PRAM1: variants seen among roughly 807,000 people sequenced by gnomAD.
PRAM1 encodes PML-RARA regulated adaptor molecule 1.
PRAM1 carries 41 observed loss-of-function variants against 55.3 expected under a neutral mutation model. The ratio of observed to expected loss-of-function variants is 0.74; its 90% CI spans 0.58 to 0.96. The LOEUF (loss-of-function observed/expected upper bound fraction) is 0.96, where lower values mean the gene tolerates loss of function less well. PRAM1 is among the 40% of genes least tolerant of loss of function. The pLI, the probability that PRAM1 is intolerant of heterozygous loss-of-function variation, is 0.00. For synonymous variants in PRAM1, 401 were observed against 387.1 expected (o/e 1.04, Z -0.42); for missense variants, 898 against 892.7 (o/e 1.01, Z -0.08).
Position 8,491,099 on chromosome 19 carries a change from C to T in PRAM1, c.1634+1G>A, listed in dbSNP as rs754417137. Reference sequence around the variant, plus strand: ...CTGCCCACCCCCTCTGCCCATGGCACCTGAGCGCTGGGTCTTGTGGTGGCC... The same window carrying T: ...CTGCCCACCCCCTCTGCCCATGGCATCTGAGCGCTGGGTCTTGTGGTGGCC... On this transcript the variant is annotated splice_donor_variant, in intron 5 of 9. Transcript: ENST00000423345. LOFTEE classifies it high-confidence loss of function. The T allele has an allele frequency of 3.7e-6, 6 of 1,612,220 alleles. No homozygotes were observed. The highest frequency in any genetic ancestry group is 3.3e-5 in the Admixed American group (2 of 60,002).
rs773534887 is a variant in PRAM1 at position 8,501,507 on chromosome 19, ATTTTTT to A, written c.27+1052_27+1057del. Among the ~76,000 whole-genome samples the A allele has an allele frequency of 6.5e-3, 669 of 102,846 alleles. 10 individuals carry two copies. The highest frequency in any genetic ancestry group is 0.024 in the African/African-American group (614 of 25,714). The allele number at this position is 102,846 out of a possible 152,430, so 67.5% of individuals were successfully genotyped here. On this transcript the variant is annotated intron_variant, in intron 1 of 9. Transcript: ENST00000423345. ...TTTACATTGTTTTTAATGTGTCTTGATTTTTTTTTTTTTTTTTTTTTGTCTCTCTAC... is the reference window on the plus strand; with the variant it reads ...TTTACATTGTTTTTAATGTGTCTTGATTTTTTTTTTTTTTTGTCTCTCTAC...
At chr19:8,497,458 C>T (rs58674936) in intron 4 of PRAM1, among the ~76,000 whole-genome samples, 9,093 of 152,116 alleles carry the variant, frequency 0.06, 583 homozygotes, top group African/African-American at 0.16. Context: ...TTGGCTCAAA[C>T]GATCCTCCTG....
chr19:8,493,250 A>G lies in PRAM1; in HGVS notation c.1577-2093T>C, dbSNP rs1218324570. ...CCAGCATGTCCTTTCCGAATGGCTC[A>G]AAGTATCCCGCCGGACATTTCAGGC... On this transcript the variant is annotated intron_variant, in intron 4 of 9. Transcript: ENST00000423345. This position sits in a 1 kb window ranked among gnomAD's most constrained non-coding sequence, Gnocchi z 4.1. Among the ~76,000 whole-genome samples the G allele has an allele frequency of 6.6e-6, 1 of 152,180 alleles. No individual in the cohort carries two copies. The highest frequency in any genetic ancestry group is 1.5e-5 in the Non-Finnish European group (1 of 68,028).
In PRAM1 at chr19:8,490,063, A is replaced by G; in HGVS notation, c.*126T>C. 1.0e-6 allele frequency: 1 copy of G among 953,254 alleles called. No individual in the cohort carries two copies. Among genetic ancestry groups the G allele is most frequent in the South Asian group, 1.7e-5 (1 of 57,970 alleles). 59.0% of individuals were successfully genotyped at this position (953,254 alleles called of 1,614,324 possible). A position where few individuals can be genotyped will look rare whatever the true frequency, so the allele number is the denominator to read the frequency against. On this transcript the variant is annotated 3_prime_UTR_variant, in exon 10 of 10. Transcript: ENST00000423345. This position sits in a 1 kb window ranked among gnomAD's most constrained non-coding sequence, Gnocchi z 7.3. Reference sequence around the variant, plus strand: ...AAGACAAGAAGCAGGGACTGCTTTAAACTGGGGCTTTATGTGGCCAGGTAC... The same window carrying G: ...AAGACAAGAAGCAGGGACTGCTTTAGACTGGGGCTTTATGTGGCCAGGTAC...
intron 4 of PRAM1, 66 bp from the exon 5 acceptor site, chr19:8,491,223 T>C: frequency 2.7e-6 from 4 of 1,500,886 alleles, no homozygotes; most frequent in East Asian, 2.4e-5. Context: ...CTGGTAGCTG[T>C]TTTTTGTTTG....
Position 8,497,830 on chromosome 19 carries a change from C to T in PRAM1, c.1510G>A (p.Glu504Lys). ...ACATCGTCATACAGCTCGTAGATCT[C>T]ATCTGGGACCCTGCGGGGATACCTG... is the stretch of plus-strand genomic sequence containing the variant. ...QPEDIPQVPDEIYELYDDVEP... is the reference protein window; with the variant it reads ...QPEDIPQVPDKIYELYDDVEP... Residue 504 changes from glutamate (E) to lysine (K), a missense_variant, in exon 4 of 10, where the codon GAG becomes AAG. Physicochemically the swap from Glu to Lys is moderately conservative, Grantham distance 56. Around this residue, in one of 4 missense-constraint regions of PRAM1, gnomAD observed 787 missense variants for 735.4 expected, o/e 1.07. Coordinates refer to ENST00000423345, the MANE Select transcript of PRAM1 (RefSeq NM_032152.5). The T allele has an allele frequency of 6.4e-7, 1 of 1,558,718 alleles. No homozygotes were observed. The highest frequency in any genetic ancestry group is 2.3e-5 in the East Asian group (1 of 44,054).
chr19:8,499,209 G>A lies in PRAM1; in HGVS notation c.599C>T (p.Ala200Val). The A allele has an allele frequency of 6.2e-7, 1 of 1,613,084 alleles. No individual in the cohort carries two copies. Reference sequence around the variant, plus strand: ...CTCAGGCTGCGGGGACCTCGGGGTAGCCTCACCGGCCTCGGGTTGCCAGAG... The same window carrying A: ...CTCAGGCTGCGGGGACCTCGGGGTAACCTCACCGGCCTCGGGTTGCCAGAG... ...RKLWQPEAGE[A>V]TPRSPQPELS... The change falls in exon 2 of 10, where the codon GCT (alanine) becomes GTT (valine). Residue 200 changes from alanine to valine, a missense_variant. Ala to Val is a moderately conservative substitution (Grantham distance 64). Coordinates refer to ENST00000423345, the MANE Select transcript of PRAM1 (RefSeq NM_032152.5).
rs1380283252 is a variant in PRAM1 at position 8,493,865 on chromosome 19, T to C, written c.1577-2708A>G. 6.6e-6 allele frequency among the ~76,000 whole-genome samples: 1 copy of C among 151,930 alleles called. No individual in the cohort carries two copies. The highest frequency in any genetic ancestry group is 1.5e-5 in the Non-Finnish European group (1 of 67,962). On this transcript the variant is annotated intron_variant, in intron 4 of 9. Coordinates refer to ENST00000423345, the MANE Select transcript of PRAM1 (RefSeq NM_032152.5). This position sits in a 1 kb window ranked among gnomAD's most constrained non-coding sequence, Gnocchi z 4.1. ...CAGGCTGGAGTGCAGAGGTGCAATC[T>C]CGGCTCATTGCAGCCTCCATCTCCT...
In PRAM1 at chr19:8,490,757, CTG is replaced by C; in HGVS notation, c.1744-3_1744-2del. On this transcript the variant is annotated splice_acceptor_variant and splice_polypyrimidine_tract_variant and intron_variant, in intron 6 of 9. Coordinates refer to ENST00000423345, the MANE Select transcript of PRAM1 (RefSeq NM_032152.5). LOFTEE classifies it high-confidence loss of function. The surrounding 1 kb of genome is among the most constrained non-coding windows in gnomAD (Gnocchi z 7.3). ...TGTGAACCACGATCTCCCCTTCAAACTGGGGCGCGAGATGTTAGGGCCTCTGC... is the reference window on the plus strand; with the variant it reads ...TGTGAACCACGATCTCCCCTTCAAACGGGCGCGAGATGTTAGGGCCTCTGC... The C allele has an allele frequency of 1.2e-6, 2 of 1,608,884 alleles. No individual in the cohort carries two copies. Among genetic ancestry groups the C allele is most frequent in the Non-Finnish European group, 1.7e-6 (2 of 1,179,600 alleles).
intron 4 of PRAM1, among the ~76,000 whole-genome samples, chr19:8,492,186 C>A (rs959616033): frequency 1.3e-5 from 2 of 150,996 alleles, no homozygotes; most frequent in Non-Finnish European, 2.9e-5. Flanking sequence ...CCACCCGCCT[C>A]GGCCTCCCAA....
Position 8,490,614 on chromosome 19 carries a change from C to A in PRAM1, c.1886G>T (p.Cys629Phe), listed in dbSNP as rs770646585. ...IEFTSNEEML[C>F]RDPKGKYGYV... ...CTCACATTTGCCTTTGGGGTCCCGG[C>A]ACAGCATCTCCTCATTGCTGGTGAA... The change falls in exon 7 of 10, where the codon TGC (cysteine) becomes TTC (phenylalanine). Residue 629 changes from cysteine (C) to phenylalanine (F), a missense_variant. Transcript: ENST00000423345. The surrounding 1 kb of genome is among the most constrained non-coding windows in gnomAD (Gnocchi z 7.3). 2 of 1,584,164 alleles carry A rather than the reference C, an allele frequency of 1.3e-6. No homozygotes were observed. The highest frequency in any genetic ancestry group is 1.8e-5 in the Admixed American group (1 of 54,938).
At chr19:8,499,832 T>C in intron 1 of PRAM1, 52 bp from the exon 2 acceptor site, 2 of 1,462,710 alleles carry the variant, frequency 1.4e-6, no homozygotes, top group Non-Finnish European at 9.2e-7. Flanking sequence ...AGAAGGGGCA[T>C]GGAAGGATGG....
Position 8,498,374 on chromosome 19 carries a change from A to C in PRAM1, c.1432+2T>G. On this transcript the variant is annotated splice_donor_variant, in intron 2 of 9. Transcript: ENST00000423345. LOFTEE classifies it high-confidence loss of function. ...CTGCCGGTGCCGCCCGCCCTCACCC[A>C]CCTATGGATGCTGCAGAGGGTCTCC... The C allele has an allele frequency of 6.3e-7, 1 of 1,582,418 alleles. No individual in the cohort carries two copies. The highest frequency in any genetic ancestry group is 8.6e-7 in the Non-Finnish European group (1 of 1,163,782).
At chr19:8,499,887 C>T in intron 1 of PRAM1, 107 bp from the exon 2 acceptor site, 2 of 961,354 alleles carry the variant, frequency 2.1e-6, no homozygotes, top group South Asian at 1.7e-5. Flanking sequence ...ACCCCTGCGC[C>T]CAGGCCCGGT....
chr19:8,498,353 C>CGGTG, intron 2 of PRAM1, 23 bp downstream of exon 2: 1 of 1,583,506 alleles, frequency 6.3e-7, no homozygotes, highest in South Asian at 1.1e-5. Context: ...CCGCTCCTGC[C>CGGTG]GGTGCCGCCC....
Position 8,498,837 on chromosome 19 carries a change from G to A in PRAM1, c.971C>T (p.Pro324Leu), listed in dbSNP as rs773746883. The part of the protein sequence containing the change: ...FKALSKKPPQ[P>L]ELGGLPRTSS... ...GGTCCTGGGGAGGCCGCCCAGCTCG[G>A]GCTGCGGGGGCTTCTTGGAGAGCGC... The change falls in exon 2 of 10, where the codon CCC becomes CTC. Residue 324 changes from proline (P) to leucine (L), a missense_variant. Physicochemically the swap from Pro to Leu is moderately conservative, Grantham distance 98 (BLOSUM62 -3). This residue lies in a region of PRAM1 where 787 missense variants were observed against 735.4 expected (regional missense o/e 1.07). Transcript: ENST00000423345. 15 of 1,602,100 alleles carry A rather than the reference G, an allele frequency of 9.4e-6. No individual in the cohort carries two copies. The African/African-American group carries it at 1.7e-4, about 19-fold the overall frequency.
intron 4 of PRAM1, among the ~76,000 whole-genome samples, chr19:8,494,597 C>A (rs1440850138): frequency 1.3e-5 from 2 of 152,056 alleles, no homozygotes; most frequent in Non-Finnish European, 2.9e-5. Flanking sequence ...AGGGCAAGCC[C>A]CATCCCAGAG....
chr19:8,491,172 GA>G lies in PRAM1; in HGVS notation c.1577-16del. On this transcript the variant is annotated splice_polypyrimidine_tract_variant and intron_variant, in intron 4 of 9. Transcript: ENST00000423345. ...GGGCGCTTCATCTGGGGACAGTCAG[GA>G]CTCCGAGTCAAGGCAGGGCCCGCCG... The G allele has an allele frequency of 6.2e-7, 1 of 1,607,782 alleles. No homozygotes were observed. The highest frequency in any genetic ancestry group is 2.2e-5 in the East Asian group (1 of 44,810).
intron 1 of PRAM1, among the ~76,000 whole-genome samples, chr19:8,500,282 C>T (rs913573920): frequency 6.6e-6 from 1 of 151,880 alleles, no homozygotes; most frequent in Admixed American, 6.6e-5. Flanking sequence ...CCCCCAGTCC[C>T]TTCTGTGCTA....
Sources: allele counts gnomAD v4.1 joint callset (sites outside exome capture counted in the v4.1 genomes callset), GRCh38; gene constraint gnomAD v4.1.1; regional missense constraint gnomAD v4.1.1; non-coding constraint Gnocchi (gnomAD v3.1); transcripts MANE v1.5; gene names NCBI Gene and HGNC (gene_info 2026-07-23, HGNC 2026-07-21).